STX8: variants seen among roughly 807,000 people sequenced by gnomAD.
The protein encoded by STX8 is syntaxin 8, also known as syntaxin-8.
Under a neutral mutation model 37.5 loss-of-function variants are expected in STX8, and 23 were observed. That is an observed-to-expected ratio of 0.61 (90% CI 0.44 to 0.87). The LOEUF is 0.87. Ranked by LOEUF, STX8 falls within the 40% of genes least tolerant of loss-of-function variation. STX8 has a pLI of 0.00. For synonymous variants in STX8, 115 were observed against 99.1 expected, an observed-to-expected ratio of 1.16 and a Z score of -0.95; for missense variants, 313 against 284.7, an observed-to-expected ratio of 1.10 and a Z score of -0.71.
intron 6 of STX8, among the ~76,000 whole-genome samples, chr17:9,428,223 C>A (rs1913708859): frequency 6.6e-6 from 1 of 152,090 alleles, no homozygotes; most frequent in Non-Finnish European, 1.5e-5. Context: ...TCTACTTAGT[C>A]ACCAGAAATG....
chr17:9,387,364 C>T (rs553006572), intron 6 of STX8, among the ~76,000 whole-genome samples: 7 of 152,194 alleles, frequency 4.6e-5, no homozygotes, highest in African/African-American at 1.4e-4. Flanking sequence ...GGCACGATCT[C>T]GGCTCACTGC....
intron 6 of STX8, among the ~76,000 whole-genome samples, chr17:9,485,170 T>C (rs77973294): frequency 0.046 from 7,038 of 152,232 alleles, 237 homozygotes; most frequent in Non-Finnish European, 0.067. Flanking sequence ...ACAACACTGA[T>C]ACAAGGCAGA....
intron 6 of STX8, among the ~76,000 whole-genome samples, chr17:9,417,794 C>T (rs1009714219): frequency 2.6e-5 from 4 of 152,136 alleles, no homozygotes; most frequent in African/African-American, 9.7e-5. Context: ...GTAATGGAAC[C>T]TCCACGAACA....
At chr17:9,398,286 A>ATGAT (rs1348431515) in intron 6 of STX8, among the ~76,000 whole-genome samples, 16 of 152,240 alleles carry the variant, frequency 1.1e-4, no homozygotes, top group Admixed American at 6.5e-5. Flanking sequence ...TTGATATGAT[A>ATGAT]TGATGAAAAT....
chr17:9,348,331 TGGCATGAATCTGGGA>T (rs1910597652), intron 7 of STX8, among the ~76,000 whole-genome samples: 1 of 145,134 alleles, frequency 6.9e-6, no homozygotes, highest in African/African-American at 2.6e-5. Flanking sequence ...GGCAGGAGAA[TGGCATGAATCTGGGA>T]GGCAGAACTT....
chr17:9,515,510 C>T (rs4559943), intron 4 of STX8, among the ~76,000 whole-genome samples: 1 of 151,672 alleles, frequency 6.6e-6, no homozygotes, highest in African/African-American at 2.4e-5. Flanking sequence ...CTCTCTCTCT[C>T]TCATTCATTC....
intron 2 of STX8, among the ~76,000 whole-genome samples, chr17:9,562,420 A>C (rs1216626254): frequency 2.0e-5 from 3 of 152,006 alleles, no homozygotes; most frequent in African/African-American, 7.2e-5. Context: ...AAAAAAAAAA[A>C]AAACTTTCAC....
At chr17:9,264,393 CT>C (rs1402179412) in intron 7 of STX8, among the ~76,000 whole-genome samples, 2 of 152,230 alleles carry the variant, frequency 1.3e-5, no homozygotes, top group Non-Finnish European at 2.9e-5. Context: ...TAGCCTCCAC[CT>C]TCTGAGCTCA....
chr17:9,568,035 GT>G lies in STX8; in HGVS notation c.117+335del, dbSNP rs754909701. Among the ~76,000 whole-genome samples the G allele has an allele frequency of 3.3e-5, 5 of 152,238 alleles. No individual in the cohort carries two copies. In the East Asian group the frequency reaches 5.8e-4, roughly 18 times the overall value. On this transcript the variant is annotated intron_variant, in intron 2 of 7. Coordinates refer to ENST00000306357, the MANE Select transcript of STX8 (RefSeq NM_004853.3). ...TGTAAAAACTATAACTATTCTTGTGGTGAGAATGGAAACTCAAAGACTTGAA... is the reference window on the plus strand; with the variant it reads ...TGTAAAAACTATAACTATTCTTGTGGGAGAATGGAAACTCAAAGACTTGAA...
At position 9,416,482 on chromosome 17, in the gene STX8, C is replaced by T. The variant is rs1398732818; in HGVS notation, c.542-37829G>A. Among the ~76,000 whole-genome samples the T allele has an allele frequency of 3.9e-5, 6 of 152,256 alleles. No homozygotes were observed. In the Middle Eastern group the frequency reaches 0.01, roughly 259 times the overall value. ...CCTCCCAGGTTCAAGCAATTCTCTGCCTCGGCCTCCCGAGTAGCTGGGATT... is the reference window on the plus strand; with the variant it reads ...CCTCCCAGGTTCAAGCAATTCTCTGTCTCGGCCTCCCGAGTAGCTGGGATT... On this transcript the variant is annotated intron_variant, in intron 6 of 7. Transcript: ENST00000306357.
chr17:9,300,412 C>T (rs950727421), intron 7 of STX8, among the ~76,000 whole-genome samples: 2 of 151,590 alleles, frequency 1.3e-5, no homozygotes, highest in Admixed American at 1.3e-4. Context: ...TGAGTCATGA[C>T]CTCCCCAAAT....
chr17:9,285,938 G>A (rs1908057020), intron 7 of STX8, among the ~76,000 whole-genome samples: 1 of 151,882 alleles, frequency 6.6e-6, no homozygotes, highest in Admixed American at 6.6e-5. Context: ...AAATTGTAAC[G>A]AACTTCTTCT....
chr17:9,370,960 A>G (rs1911384674), intron 7 of STX8, among the ~76,000 whole-genome samples: 1 of 151,796 alleles, frequency 6.6e-6, no homozygotes, highest in South Asian at 2.1e-4. Context: ...ACTTGATGCT[A>G]TCATTGGGGT....
At chr17:9,335,739 AC>A (rs1910114880) in intron 7 of STX8, among the ~76,000 whole-genome samples, 1 of 152,048 alleles carries the variant, frequency 6.6e-6, no homozygotes, top group African/African-American at 2.4e-5. Flanking sequence ...CTAGATCTTT[AC>A]CTCAAGAATT....
At chr17:9,468,224 C>T (rs1385235372) in intron 6 of STX8, among the ~76,000 whole-genome samples, 1 of 152,122 alleles carries the variant, frequency 6.6e-6, no homozygotes, top group Non-Finnish European at 1.5e-5. Flanking sequence ...ATTCTCCTGC[C>T]TCAGCCTCCC....
At chr17:9,318,273 C>G (rs568311598) in intron 7 of STX8, among the ~76,000 whole-genome samples, 1 of 150,182 alleles carries the variant, frequency 6.7e-6, no homozygotes, top group Non-Finnish European at 1.5e-5. Flanking sequence ...CCTCCCCCAG[C>G]CCCCCACCCA....
chr17:9,485,380 T>A (rs922254199), intron 6 of STX8, among the ~76,000 whole-genome samples: 7 of 152,124 alleles, frequency 4.6e-5, no homozygotes, highest in Non-Finnish European at 1.0e-4. Context: ...GAGGAAAGCA[T>A]AGGGCCTGGC....
At chr17:9,488,865 C>T (rs887463864) in intron 6 of STX8, among the ~76,000 whole-genome samples, 3 of 149,932 alleles carry the variant, frequency 2.0e-5, no homozygotes, top group Non-Finnish European at 4.4e-5. Context: ...GTCTCTCGCT[C>T]GGTCACGTGT....
At chr17:9,300,200 G>A (rs797018344) in intron 7 of STX8, among the ~76,000 whole-genome samples, 14 of 151,814 alleles carry the variant, frequency 9.2e-5, no homozygotes, top group African/African-American at 2.4e-4. Flanking sequence ...GCATGGTGGC[G>A]CATGCCTGTA....
Sources: allele counts gnomAD v4.1 joint callset (sites outside exome capture counted in the v4.1 genomes callset), GRCh38; gene constraint gnomAD v4.1.1; transcripts MANE v1.5; gene names NCBI Gene and HGNC (gene_info 2026-07-23, HGNC 2026-07-21).